Variants in GBE1 observed in about 807,000 individuals in gnomAD.
GBE1 encodes 1,4-alpha-glucan branching enzyme 1, also known as 1,4-alpha-glucan-branching enzyme.
In GBE1, 70 loss-of-function variants were observed where a neutral mutation model predicts 88.8. The observed-to-expected ratio is 0.79, with a 90% CI of 0.65 to 0.96. The LOEUF (loss-of-function observed/expected upper bound fraction) is 0.96, where lower values mean the gene tolerates loss of function less well. Ranked by LOEUF, GBE1 falls within the 40% of genes least tolerant of loss-of-function variation. GBE1 has a pLI of 0.00. For synonymous variants in GBE1, 284 were observed against 300.1 expected, an observed-to-expected ratio of 0.95 and a Z score of 0.56; for missense variants, 872 against 871.0, an observed-to-expected ratio of 1.00 and a Z score of -0.01.
rs568756777 is a variant in GBE1 at position 81,627,187 on chromosome 3, A to C, written c.992+15594T>G. ...TCTACTCATCTGGACAAACTTTGAC[A>C]GTCTATTCTCTAGCAGGTTCTGAGG... On this transcript the variant is annotated intron_variant, in intron 7 of 15. Transcript: ENST00000429644. Among the ~76,000 whole-genome samples, 7 of 152,340 alleles carry C rather than the reference A, an allele frequency of 4.6e-5. No homozygotes were observed. In the East Asian group the frequency reaches 1.3e-3, roughly 29 times the overall value.
intron 1 of GBE1, among the ~76,000 whole-genome samples, chr3:81,709,889 C>G (rs1705833819): frequency 6.6e-6 from 1 of 152,178 alleles, no homozygotes; most frequent in African/African-American, 2.4e-5. Flanking sequence ...TAATATTTTG[C>G]TATGGATTTA....
At position 81,535,277 on chromosome 3, in the gene GBE1, T is replaced by C; in HGVS notation, c.1852A>G (p.Arg618Gly). The change falls in exon 14 of 16, where the codon AGA (arginine) becomes GGA (glycine). Residue 618 changes from arginine (R) to glycine (G), a missense_variant. Transcript: ENST00000429644. ...HEGNKIIAFERAGLLFIFNFH... is the reference protein window; with the variant it reads ...HEGNKIIAFEGAGLLFIFNFH... ...TTGAAAATGAAAAGAAGACCTGCTC[T>C]TTCAAAAGCAATGATCTTATTGCCT... The C allele has an allele frequency of 6.2e-7, 1 of 1,611,540 alleles. No individual in the cohort carries two copies.
chr3:81,667,300 C>G (rs1380186828), intron 3 of GBE1, among the ~76,000 whole-genome samples: 1 of 152,040 alleles, frequency 6.6e-6, no homozygotes, highest in Non-Finnish European at 1.5e-5. Flanking sequence ...GATTTTGTAT[C>G]CTGAGACTCC....
intron 14 of GBE1, among the ~76,000 whole-genome samples, chr3:81,518,989 C>T (rs897845842): frequency 2.0e-5 from 3 of 151,564 alleles, no homozygotes; most frequent in Non-Finnish European, 3.0e-5. Context: ...AGAAATTATC[C>T]TTTACATATA....
At chr3:81,719,496 C>A (rs1186843551) in intron 1 of GBE1, among the ~76,000 whole-genome samples, 2 of 152,196 alleles carry the variant, frequency 1.3e-5, no homozygotes, top group Admixed American at 1.3e-4. Context: ...GGATTACAGG[C>A]ATGAGCCACC....
intron 2 of GBE1, among the ~76,000 whole-genome samples, chr3:81,674,371 A>AT (rs1559683791): frequency 2.0e-5 from 3 of 151,958 alleles, no homozygotes; most frequent in Non-Finnish European, 2.9e-5. Context: ...CAGGAAAATC[A>AT]TTGGATTTGG....
chr3:81,696,476 C>T (rs1052074217), intron 2 of GBE1, among the ~76,000 whole-genome samples: 4 of 152,188 alleles, frequency 2.6e-5, no homozygotes, highest in South Asian at 2.1e-4. Context: ...GTTGTGATCA[C>T]GATACAAAAA....
chr3:81,600,921 C>CGT (rs1027758506), intron 7 of GBE1, among the ~76,000 whole-genome samples: 3 of 151,812 alleles, frequency 2.0e-5, no homozygotes, highest in African/African-American at 2.4e-5. Context: ...CACATGCATG[C>CGT]GTGTGTGTGT....
chr3:81,761,405 A>T lies in GBE1; in HGVS notation c.113T>A (p.Leu38Ter). ...LARLLEIDPY[L>*]KPYAVDFQRR... ...CTGGAAGTCCACGGCGTAGGGCTTCAAGTACGGGTCGATCTCCAGGAGTCT... is the reference window on the plus strand; with the variant it reads ...CTGGAAGTCCACGGCGTAGGGCTTCTAGTACGGGTCGATCTCCAGGAGTCT... Residue 38 changes from leucine to a stop codon, truncating the protein, a stop_gained, in exon 1 of 16, where the codon TTG becomes TAG. Coordinates refer to ENST00000429644, the MANE Select transcript of GBE1 (RefSeq NM_000158.4). LOFTEE classifies it high-confidence loss of function. 6.2e-7 allele frequency: 1 copy of T among 1,613,104 alleles called. No homozygotes were observed. Among genetic ancestry groups the T allele is most frequent in the Non-Finnish European group, 8.5e-7 (1 of 1,179,370 alleles).
chr3:81,574,495 A>G (rs555466679), intron 12 of GBE1, among the ~76,000 whole-genome samples: 1 of 152,244 alleles, frequency 6.6e-6, no homozygotes, highest in Admixed American at 6.5e-5. Context: ...GGAAAGGCAC[A>G]GATTCCAACC....
At chr3:81,691,479 C>A (rs116721171) in intron 2 of GBE1, among the ~76,000 whole-genome samples, 4,299 of 152,146 alleles carry the variant, frequency 0.028, 220 homozygotes, top group African/African-American at 0.094. Flanking sequence ...AGTTTGAATT[C>A]TAAAGTTGGT....
intron 7 of GBE1, among the ~76,000 whole-genome samples, chr3:81,598,586 TAA>T (rs1459103426): frequency 2.0e-5 from 3 of 152,040 alleles, no homozygotes; most frequent in Middle Eastern, 3.6e-3. Flanking sequence ...ATAATTTGTA[TAA>T]GTTACATTAC....
chr3:81,603,739 A>C (rs968526962), intron 7 of GBE1, among the ~76,000 whole-genome samples: 5 of 151,878 alleles, frequency 3.3e-5, no homozygotes, highest in Admixed American at 3.3e-4. Context: ...CAAGTGATCC[A>C]CCCACCTCGG....
At chr3:81,514,810 G>A (rs544768543) in intron 14 of GBE1, among the ~76,000 whole-genome samples, 8 of 151,614 alleles carry the variant, frequency 5.3e-5, no homozygotes, top group East Asian at 1.9e-4. Flanking sequence ...AGAGCTTCAC[G>A]GAAAATGTCA....
chr3:81,759,325 C>T (rs1374615291), intron 1 of GBE1, among the ~76,000 whole-genome samples: 1 of 152,144 alleles, frequency 6.6e-6, no homozygotes, highest in Non-Finnish European at 1.5e-5. Context: ...TCTTCATCAC[C>T]TTAATTATAT....
chr3:81,694,663 C>G (rs1419453872), intron 2 of GBE1, among the ~76,000 whole-genome samples: 1 of 152,110 alleles, frequency 6.6e-6, no homozygotes, highest in Non-Finnish European at 1.5e-5. Context: ...ACCAACACAG[C>G]AAAATATTGA....
rs181820645 is a variant in GBE1, at chr3:81,607,757, A to T, written c.993-13734T>A. Among the ~76,000 whole-genome samples, 42 of 152,282 alleles carry T rather than the reference A, an allele frequency of 2.8e-4. No homozygotes were observed. In the East Asian group the frequency reaches 6.4e-3, roughly 23 times the overall value. ...TTATTTGACCTTAGTCAAGTCTAAA[A>T]TGTCATCCATTATGCAATTGGTAAC... On this transcript the variant is annotated intron_variant, in intron 7 of 15. Coordinates refer to ENST00000429644, the MANE Select transcript of GBE1 (RefSeq NM_000158.4).
intron 3 of GBE1, among the ~76,000 whole-genome samples, chr3:81,652,065 G>T (rs1462416353): frequency 6.6e-6 from 1 of 152,218 alleles, no homozygotes; most frequent in Non-Finnish European, 1.5e-5. Flanking sequence ...ATTTCTTAGG[G>T]CTGTCCTTCT....
At chr3:81,714,556 T>TAA (rs977458528) in intron 1 of GBE1, among the ~76,000 whole-genome samples, 36 of 152,272 alleles carry the variant, frequency 2.4e-4, no homozygotes, top group Non-Finnish European at 4.6e-4. Context: ...ATAATTCCTG[T>TAA]AACTATATTA....
Sources: gnomAD v4.1 joint callset for allele counts (sites outside exome capture counted in the v4.1 genomes callset) on GRCh38, gnomAD v4.1.1 for gene constraint, MANE v1.5 for transcripts, NCBI Gene and HGNC (gene_info 2026-07-23, HGNC 2026-07-21) for gene names.